DPYD: variants seen among roughly 807,000 people sequenced by gnomAD.
DPYD encodes dihydropyrimidine dehydrogenase.
A neutral mutation model predicts 116.2 loss-of-function variants in DPYD; 109 were observed. That is an observed-to-expected ratio of 0.94 (90% CI 0.80 to 1.10). The LOEUF (loss-of-function observed/expected upper bound fraction) is 1.10, where lower values mean the gene tolerates loss of function less well. Among genes scored for constraint, DPYD ranks in the 50% least tolerant of loss-of-function variants. The pLI is 0.00. For synonymous variants in DPYD, 440 were observed against 432.0 expected, an observed-to-expected ratio of 1.02 and a Z score of -0.23; for missense variants, 1,302 against 1,254.5, an observed-to-expected ratio of 1.04 and a Z score of -0.57.
At chr1:97,540,378 AAAACAAAAC>A (rs1170017007) in intron 12 of DPYD, among the ~76,000 whole-genome samples, 2 of 150,656 alleles carry the variant, frequency 1.3e-5, no homozygotes, top group East Asian at 3.9e-4. Context: ...AAAACAAAAC[AAAACAAAAC>A]AAAACAAAAA....
chr1:97,765,731 C>T (rs962591184), intron 3 of DPYD, among the ~76,000 whole-genome samples: 10 of 152,106 alleles, frequency 6.6e-5, no homozygotes, highest in African/African-American at 2.4e-4. Flanking sequence ...GTTTGATCTA[C>T]AACAACAGCT....
intron 1 of DPYD, among the ~76,000 whole-genome samples, chr1:97,908,910 G>A (rs1673782333): frequency 6.6e-6 from 1 of 151,896 alleles, no homozygotes; most frequent in Non-Finnish European, 1.5e-5. Flanking sequence ...CAACTTTATT[G>A]CCCAAGCAAA....
At chr1:97,107,311 C>T (rs939769310) in intron 20 of DPYD, among the ~76,000 whole-genome samples, 2 of 152,064 alleles carry the variant, frequency 1.3e-5, no homozygotes, top group African/African-American at 4.8e-5. Flanking sequence ...TATGAGCTGC[C>T]AAAGACTTAC....
chr1:97,821,285 C>A (rs531265788), intron 3 of DPYD, among the ~76,000 whole-genome samples: 40 of 146,272 alleles, frequency 2.7e-4, no homozygotes, highest in African/African-American at 1.0e-3. Context: ...GAGCCGAGAC[C>A]GCAACAATGC....
At chr1:97,665,685 TTTAA>T (rs1208655221) in intron 8 of DPYD, among the ~76,000 whole-genome samples, 3 of 152,216 alleles carry the variant, frequency 2.0e-5, no homozygotes, top group Non-Finnish European at 2.9e-5. Context: ...TGAGTCTATC[TTTAA>T]TTAATTTATC....
intron 3 of DPYD, among the ~76,000 whole-genome samples, chr1:97,749,345 A>C (rs143256436): frequency 9.2e-5 from 14 of 152,292 alleles, no homozygotes; most frequent in African/African-American, 2.9e-4. Context: ...TATCTGACAA[A>C]CATATACATA....
chr1:97,687,459 A>C (rs145727908), intron 7 of DPYD, among the ~76,000 whole-genome samples: 1 of 152,358 alleles, frequency 6.6e-6, no homozygotes, highest in East Asian at 1.9e-4. Context: ...AATGGTGATT[A>C]TTAAAAAGTC....
In DPYD at chr1:97,157,015, G is replaced by T. The variant is rs1473893366; in HGVS notation, c.2622+36054C>A. Among the ~76,000 whole-genome samples the T allele has an allele frequency of 2.0e-5, 3 of 147,380 alleles. 1 individual carries two copies. The highest frequency in any genetic ancestry group is 4.5e-5 in the Non-Finnish European group (3 of 67,278). Reference sequence around the variant, plus strand: ...CATCATTCTCAGTAAACTATCGCAAGAACAAAAAACCAAACACCGCATATT... The same window carrying T: ...CATCATTCTCAGTAAACTATCGCAATAACAAAAAACCAAACACCGCATATT... On this transcript the variant is annotated intron_variant, in intron 20 of 22. Coordinates refer to ENST00000370192, the MANE Select transcript of DPYD (RefSeq NM_000110.4).
At chr1:97,740,541 C>T in intron 3 of DPYD, 62 bp from the exon 4 acceptor site, 2 of 1,380,976 alleles carry the variant, frequency 1.4e-6, no homozygotes, top group Non-Finnish European at 1.0e-6. Flanking sequence ...TATTTTCTAC[C>T]TTATACTCAT....
At chr1:97,318,573 T>TCATA (rs1310007249) in intron 16 of DPYD, among the ~76,000 whole-genome samples, 1 of 151,902 alleles carries the variant, frequency 6.6e-6, no homozygotes, top group East Asian at 1.9e-4. Flanking sequence ...GCACCCAGAT[T>TCATA]CATAAAGCAA....
chr1:97,864,943 G>T (rs996030940), intron 2 of DPYD, among the ~76,000 whole-genome samples: 3 of 151,942 alleles, frequency 2.0e-5, no homozygotes, highest in Admixed American at 2.0e-4. Flanking sequence ...GATTTATTTA[G>T]CTGGTTATAT....
intron 16 of DPYD, among the ~76,000 whole-genome samples, chr1:97,358,699 C>A (rs930005287): frequency 6.6e-6 from 1 of 152,150 alleles, no homozygotes; most frequent in Non-Finnish European, 1.5e-5. Context: ...CAAACTTCAA[C>A]AGACCTGTAG....
intron 3 of DPYD, among the ~76,000 whole-genome samples, chr1:97,774,356 C>A (rs1235875255): frequency 6.6e-6 from 1 of 152,168 alleles, no homozygotes; most frequent in East Asian, 1.9e-4. Flanking sequence ...TGGTTAAACA[C>A]CCCAGACTTC....
At chr1:97,445,145 C>T (rs1463344114) in intron 14 of DPYD, among the ~76,000 whole-genome samples, 1 of 152,156 alleles carries the variant, frequency 6.6e-6, no homozygotes, top group East Asian at 1.9e-4. Flanking sequence ...TCACCAGATG[C>T]TGACCGACTT....
At chr1:97,604,395 C>G (rs911956492) in intron 8 of DPYD, among the ~76,000 whole-genome samples, 5 of 152,070 alleles carry the variant, frequency 3.3e-5, no homozygotes, top group Non-Finnish European at 4.4e-5. Context: ...ATGTAATTCA[C>G]AAACATAGAA....
At chr1:97,444,009 C>G (rs1675943029) in intron 14 of DPYD, among the ~76,000 whole-genome samples, 1 of 152,052 alleles carries the variant, frequency 6.6e-6, no homozygotes, top group Admixed American at 6.6e-5. Context: ...CAGATGAGGC[C>G]AGGTAACAGC....
Position 97,573,940 on chromosome 1 carries a change from A to G in DPYD, c.1159T>C (p.Phe387Leu), listed in dbSNP as rs1248903407. The change falls in exon 11 of 23, where the codon TTT becomes CTT. Residue 387 changes from phenylalanine (F) to leucine (L), a missense_variant. Phe to Leu is a conservative substitution (Grantham distance 22). Transcript: ENST00000370192. Reference sequence around the variant, plus strand: ...TTCCGTGGGGACAGGAATGGCAGAAATTCACACTTTTCTTCCTTAGCAAGT... The same window carrying G: ...TTCCGTGGGGACAGGAATGGCAGAAGTTCACACTTTTCTTCCTTAGCAAGT... ...MELAKEEKCE[F>L]LPFLSPRKVI... The G allele has an allele frequency of 1.2e-6, 2 of 1,613,652 alleles. No individual in the cohort carries two copies.
At chr1:97,263,115 T>C (rs1663999519) in intron 18 of DPYD, among the ~76,000 whole-genome samples, 1 of 152,102 alleles carries the variant, frequency 6.6e-6, no homozygotes, top group African/African-American at 2.4e-5. Context: ...TTACAGAAAC[T>C]AGCTTAAATA....
At chr1:97,191,333 T>C (rs1233464375) in intron 20 of DPYD, among the ~76,000 whole-genome samples, 5 of 152,180 alleles carry the variant, frequency 3.3e-5, no homozygotes, top group East Asian at 3.8e-4. Context: ...GTTTTAGTCA[T>C]GTCAGCCTGC....
Sources: allele counts gnomAD v4.1 joint callset (sites outside exome capture counted in the v4.1 genomes callset), GRCh38; gene constraint gnomAD v4.1.1; transcripts MANE v1.5; gene names NCBI Gene and HGNC (gene_info 2026-07-23, HGNC 2026-07-21).